Variants in EDIL3 observed in about 807,000 individuals in gnomAD.
EDIL3 encodes EGF like and discoidin domains 3.
Under a neutral mutation model 67.4 loss-of-function variants are expected in EDIL3, and 37 were observed. That is an observed-to-expected ratio of 0.55 (90% CI 0.42 to 0.72). The LOEUF (loss-of-function observed/expected upper bound fraction) is 0.72, where lower values mean the gene tolerates loss of function less well. EDIL3 is among the 30% of genes least tolerant of loss of function. The probability of loss-of-function intolerance (pLI) is 0.00; values close to 1 mark genes in which losing one functional copy is unlikely to be tolerated. For missense variants in EDIL3, 527 were observed against 586.3 expected (o/e 0.90, Z 1.04); for synonymous variants, 195 against 196.3 (o/e 0.99, Z 0.05).
chr5:83,969,986 T>G (rs928944126), intron 9 of EDIL3, among the ~76,000 whole-genome samples: 2 of 151,586 alleles, frequency 1.3e-5, no homozygotes, highest in African/African-American at 2.4e-5. Context: ...AACTAGAAAT[T>G]ATTTCTCCTA....
At chr5:83,947,351 A>C (rs1195859452) in intron 10 of EDIL3, among the ~76,000 whole-genome samples, 1 of 145,550 alleles carries the variant, frequency 6.9e-6, no homozygotes, top group African/African-American at 2.5e-5. Context: ...GGCAGCATGT[A>C]TGTGTCTGTG....
intron 3 of EDIL3, among the ~76,000 whole-genome samples, chr5:84,194,546 T>G (rs1167955147): frequency 2.0e-5 from 3 of 151,938 alleles, no homozygotes; most frequent in Non-Finnish European, 2.9e-5. Context: ...TTGAGAAGTC[T>G]GAAAATCCAC....
At chr5:84,234,680 A>G (rs1200047276) in intron 2 of EDIL3, among the ~76,000 whole-genome samples, 1 of 152,180 alleles carries the variant, frequency 6.6e-6, no homozygotes, top group Non-Finnish European at 1.5e-5. Context: ...TATGAAATAT[A>G]AAAACTACAT....
chr5:84,121,538 GATCTATCT>G (rs3046833), intron 5 of EDIL3, among the ~76,000 whole-genome samples: 36,859 of 129,538 alleles, frequency 0.28, 5,312 homozygotes, highest in Non-Finnish European at 0.37. Flanking sequence ...AACTTAGATC[GATCTATCT>G]ATCTATCTAT....
intron 4 of EDIL3, among the ~76,000 whole-genome samples, chr5:84,178,594 C>A (rs1384502250): frequency 6.6e-6 from 1 of 152,078 alleles, no homozygotes; most frequent in African/African-American, 2.4e-5. Flanking sequence ...TTATATGAAC[C>A]AAAGACCATC....
At chr5:84,292,606 A>G (rs1453686755) in intron 1 of EDIL3, among the ~76,000 whole-genome samples, 1 of 152,190 alleles carries the variant, frequency 6.6e-6, no homozygotes, top group African/African-American at 2.4e-5. Context: ...TGGTAATGCT[A>G]TAATTATATC....
intron 3 of EDIL3, among the ~76,000 whole-genome samples, chr5:84,202,180 G>C (rs1006813961): frequency 6.6e-6 from 1 of 152,098 alleles, no homozygotes; most frequent in Admixed American, 6.5e-5. Flanking sequence ...CATTTTAAGA[G>C]CCAGTTTGTA....
At chr5:84,072,112 T>G (rs1023738874) in intron 6 of EDIL3, among the ~76,000 whole-genome samples, 2 of 152,176 alleles carry the variant, frequency 1.3e-5, no homozygotes, top group Non-Finnish European at 2.9e-5. Flanking sequence ...AATGGGTTTC[T>G]ATTCATGACA....
intron 1 of EDIL3, among the ~76,000 whole-genome samples, chr5:84,381,045 G>A (rs947318627): frequency 2.0e-5 from 3 of 151,994 alleles, no homozygotes; most frequent in African/African-American, 7.2e-5. Flanking sequence ...AAAGTATTCA[G>A]AAATACATTT....
chr5:83,950,022 A>T (rs1171444746), intron 10 of EDIL3, among the ~76,000 whole-genome samples: 1 of 151,418 alleles, frequency 6.6e-6, no homozygotes, highest in Non-Finnish European at 1.5e-5. Context: ...TTCCACAAAA[A>T]CTCTGAATAC....
intron 2 of EDIL3, among the ~76,000 whole-genome samples, chr5:84,244,974 G>T (rs1744877741): frequency 6.6e-6 from 1 of 152,322 alleles, no homozygotes. Context: ...ACCTTCTGTG[G>T]CAAAATTGTC....
intron 5 of EDIL3, among the ~76,000 whole-genome samples, chr5:84,119,458 C>T (rs569510633): frequency 7.2e-5 from 11 of 152,014 alleles, no homozygotes; most frequent in Middle Eastern, 3.4e-3. Flanking sequence ...AAATCTCTGC[C>T]TGGGGGAAAT....
intron 9 of EDIL3, among the ~76,000 whole-genome samples, chr5:83,989,494 A>G (rs1034042072): frequency 6.6e-6 from 1 of 152,168 alleles, no homozygotes; most frequent in African/African-American, 2.4e-5. Context: ...ATCTCCTGGG[A>G]AGTGAATATG....
chr5:84,107,386 A>T (rs1445150688), intron 5 of EDIL3, among the ~76,000 whole-genome samples: 1 of 151,956 alleles, frequency 6.6e-6, no homozygotes, highest in African/African-American at 2.4e-5. Context: ...ACATTTAAAA[A>T]TATTATTATA....
Position 83,958,129 on chromosome 5 carries a change from T to A in EDIL3, c.1293+5076A>T, listed in dbSNP as rs1455555040. ...AGGCCAAAGTCCTAAAGAATAATAA[T>A]AAATTCCATTCTCACTAGAAAAACA... On this transcript the variant is annotated intron_variant, in intron 10 of 10. Transcript: ENST00000296591. 4.6e-5 allele frequency among the ~76,000 whole-genome samples: 7 copies of A among 151,794 alleles called. No individual in the cohort carries two copies. In the East Asian group the frequency reaches 1.4e-3, roughly 30 times the overall value.
At chr5:83,984,777 T>G (rs1745030303) in intron 9 of EDIL3, among the ~76,000 whole-genome samples, 1 of 152,020 alleles carries the variant, frequency 6.6e-6, no homozygotes, top group African/African-American at 2.4e-5. Flanking sequence ...TGTCGTCTGC[T>G]TCACCACTGT....
rs1008829521 is a variant in EDIL3, at chr5:84,163,265, G to C, written c.355+17128C>G. ...GAATTGCAGGCCATAAACTATGGCA[G>C]AAAGATAGCTGGCAATAAATTTTTC... On this transcript the variant is annotated intron_variant, in intron 4 of 10. Coordinates refer to ENST00000296591, the MANE Select transcript of EDIL3 (RefSeq NM_005711.5). Among the ~76,000 whole-genome samples, 9 of 152,030 alleles carry C rather than the reference G, an allele frequency of 5.9e-5. No homozygotes were observed. The East Asian group carries it at 1.7e-3, about 29-fold the overall frequency.
chr5:84,002,725 G>A (rs911508288), intron 9 of EDIL3, among the ~76,000 whole-genome samples: 8 of 152,192 alleles, frequency 5.3e-5, no homozygotes, highest in African/African-American at 1.9e-4. Context: ...AATTCCCAGA[G>A]ATAACCAACA....
intron 9 of EDIL3, among the ~76,000 whole-genome samples, chr5:83,969,371 C>T (rs1181826785): frequency 2.0e-5 from 3 of 151,482 alleles, no homozygotes; most frequent in African/African-American, 7.3e-5. Context: ...GCTACTTGGT[C>T]AAAGGAAATG....
Sources: allele counts gnomAD v4.1 joint callset (sites outside exome capture counted in the v4.1 genomes callset), GRCh38; gene constraint gnomAD v4.1.1; transcripts MANE v1.5; gene names NCBI Gene and HGNC (gene_info 2026-07-23, HGNC 2026-07-21).